The following MYO16 variants were observed in gnomAD, a reference collection of about 807,000 sequenced individuals.
MYO16 encodes the protein unconventional myosin-XVI.
In MYO16, 94 loss-of-function variants were observed where a neutral mutation model predicts 205.3. The observed-to-expected ratio is 0.46, with a 90% CI of 0.39 to 0.54. The LOEUF (loss-of-function observed/expected upper bound fraction) is 0.54. MYO16 is among the 20% of genes least tolerant of loss of function. The pLI, the probability that MYO16 is intolerant of heterozygous loss-of-function variation, is 0.00. For synonymous variants in MYO16, 988 were observed against 954.0 expected (o/e 1.04, Z -0.66); for missense variants, 2,315 against 2,387.5 (o/e 0.97, Z 0.63).
chr13:108,974,611 G>A (rs1884184807), intron 20 of MYO16, among the ~76,000 whole-genome samples: 1 of 152,018 alleles, frequency 6.6e-6, no homozygotes. Flanking sequence ...TAATGATTTT[G>A]TCATTGACTT....
intron 23 of MYO16, among the ~76,000 whole-genome samples, chr13:109,022,521 A>ATTC (rs1886095400): frequency 3.3e-5 from 4 of 122,946 alleles, no homozygotes; most frequent in African/African-American, 1.3e-4. Context: ...TATATTTGTT[A>ATTC]TATATACAAT....
chr13:108,519,018 C>T, the MYO16 span, among the ~76,000 whole-genome samples: 2 of 152,148 alleles, frequency 1.3e-5, 1 homozygote, highest in East Asian at 3.9e-4. Flanking sequence ...AGAATAGAGA[C>T]ACCAACTTTA....
chr13:108,525,261 A>G, the MYO16 span, among the ~76,000 whole-genome samples: 1 of 152,220 alleles, frequency 6.6e-6, no homozygotes. Flanking sequence ...TGTTTTATGT[A>G]TAGACTAGGA....
chr13:108,669,944 G>A (rs1220288298), intron 2 of MYO16, among the ~76,000 whole-genome samples: 1 of 152,042 alleles, frequency 6.6e-6, no homozygotes, highest in Admixed American at 6.6e-5. Context: ...GTAACGGGAG[G>A]GAGAGCATTA....
chr13:109,001,165 A>G (rs1433286238), intron 21 of MYO16, among the ~76,000 whole-genome samples: 1 of 150,398 alleles, frequency 6.6e-6, no homozygotes, highest in Non-Finnish European at 1.5e-5. Flanking sequence ...AAGAAATAGT[A>G]ACAGAATAAA....
At chr13:109,189,127 C>T (rs1879809270) in intron 34 of MYO16, among the ~76,000 whole-genome samples, 1 of 151,958 alleles carries the variant, frequency 6.6e-6, no homozygotes, top group African/African-American at 2.4e-5. Context: ...AGGACACATC[C>T]AGCATAGAAG....
chr13:108,837,341 T>A (rs1876983964), intron 9 of MYO16, among the ~76,000 whole-genome samples: 1 of 152,202 alleles, frequency 6.6e-6, no homozygotes, highest in Admixed American at 6.5e-5. Context: ...CTTTCCTTTA[T>A]AAATACTCAG....
intron 9 of MYO16, among the ~76,000 whole-genome samples, chr13:108,832,306 C>T (rs1235720211): frequency 6.6e-6 from 1 of 151,908 alleles, no homozygotes; most frequent in Admixed American, 6.6e-5. Context: ...CCGTGCCCAG[C>T]TAATTTTTGT....
chr13:109,137,280 A>G (rs1475866197), intron 31 of MYO16, among the ~76,000 whole-genome samples: 2 of 152,312 alleles, frequency 1.3e-5, no homozygotes, highest in East Asian at 3.9e-4. Flanking sequence ...CAGCCCTAGA[A>G]AGCAGGCAAC....
At chr13:108,871,356 G>GTGTGTGTGTGTGTC (rs775485613) in intron 12 of MYO16, among the ~76,000 whole-genome samples, 159 of 127,736 alleles carry the variant, frequency 1.2e-3, no homozygotes, top group African/African-American at 4.1e-3. Context: ...GTGTGTGTGT[G>GTGTGTGTGTGTGTC]TGTGTGTCTG....
Position 109,140,208 on chromosome 13 carries a change from G to T in MYO16, c.4052-56G>T. 1.9e-6 allele frequency: 3 copies of T among 1,580,208 alleles called. No homozygotes were observed. In the South Asian group the frequency reaches 3.4e-5, roughly 18 times the overall value. On this transcript the variant is annotated intron_variant, in intron 31 of 34. Transcript: ENST00000457511. The surrounding 1 kb of genome is among the most constrained non-coding windows in gnomAD (Gnocchi z 8.0). ...CCCTCCGAGTCGAGCCCCGGGCTTG[G>T]TGGGCACCCGTGGGCCTGGCCTGGC... is the stretch of plus-strand genomic sequence containing the variant.
chr13:108,943,752 AT>A (rs1362582087), intron 16 of MYO16, among the ~76,000 whole-genome samples: 2 of 150,936 alleles, frequency 1.3e-5, no homozygotes, highest in Non-Finnish European at 3.0e-5. Flanking sequence ...CGCCTGGCTA[AT>A]TTTTTGTATT....
At chr13:108,981,945 T>C (rs1884459812) in intron 20 of MYO16, among the ~76,000 whole-genome samples, 1 of 152,236 alleles carries the variant, frequency 6.6e-6, no homozygotes, top group Non-Finnish European at 1.5e-5. Flanking sequence ...GTTTTCAGAC[T>C]CTTTGGTCTG....
intron 1 of MYO16, among the ~76,000 whole-genome samples, chr13:108,655,692 C>T (rs1881212487): frequency 6.6e-6 from 1 of 152,154 alleles, no homozygotes; most frequent in Non-Finnish European, 1.5e-5. Context: ...GGGCTATACC[C>T]TGCAAAGCCA....
intron 32 of MYO16, among the ~76,000 whole-genome samples, chr13:109,163,236 G>T (rs1213059282): frequency 6.6e-6 from 1 of 152,196 alleles, no homozygotes; most frequent in Non-Finnish European, 1.5e-5. Context: ...GTCCTGACTG[G>T]TGGGTAGGAA....
Position 108,866,241 on chromosome 13 carries a change from T to C in MYO16, c.1424T>C (p.Met475Thr), listed in dbSNP as rs768315324. The change falls in exon 12 of 35, where the codon ATG (methionine) becomes ACG (threonine). Residue 475 changes from methionine (M) to threonine (T), a missense_variant and splice_region_variant. Met to Thr is a moderately conservative substitution (Grantham distance 81). Coordinates refer to ENST00000457511, the MANE Select transcript of MYO16 (RefSeq NM_001198950.3). ...PYKELPIYSS[M>T]VSQLYFSSSG... ...AAGGAGCTTCCAATTTATTCTTCCATGGTGAGCACAAAATTTTAAATATCA... is the reference window on the plus strand; with the variant it reads ...AAGGAGCTTCCAATTTATTCTTCCACGGTGAGCACAAAATTTTAAATATCA... The C allele has an allele frequency of 5.7e-6, 9 of 1,577,218 alleles. No homozygotes were observed. The highest frequency in any genetic ancestry group is 1.1e-5 in the South Asian group (1 of 88,338).
chr13:109,166,230 C>A (rs114522978), intron 33 of MYO16, among the ~76,000 whole-genome samples: 2 of 151,846 alleles, frequency 1.3e-5, no homozygotes, highest in Non-Finnish European at 2.9e-5. Flanking sequence ...AATAAAACAA[C>A]GAGAATTTCA....
chr13:108,606,054 G>A (rs1472160646), intron 1 of MYO16, among the ~76,000 whole-genome samples: 1 of 152,194 alleles, frequency 6.6e-6, no homozygotes, highest in Non-Finnish European at 1.5e-5. Flanking sequence ...GAGACTGATG[G>A]CATTTTTCCC....
At chr13:109,003,789 G>A (rs1411304300) in intron 21 of MYO16, among the ~76,000 whole-genome samples, 1 of 152,170 alleles carries the variant, frequency 6.6e-6, no homozygotes, top group Non-Finnish European at 1.5e-5. Flanking sequence ...ACAAGACAGA[G>A]GTTGTGTTCT....
Sources: gnomAD v4.1 joint callset for allele counts (sites outside exome capture counted in the v4.1 genomes callset) on GRCh38, gnomAD v4.1.1 for gene constraint, Gnocchi (gnomAD v3.1) non-coding constraint, MANE v1.5 for transcripts, NCBI Gene and HGNC (gene_info 2026-07-23, HGNC 2026-07-21) for gene names.